The following RIPOR3 variants were observed in gnomAD, a reference collection of about 807,000 sequenced individuals.
RIPOR3 encodes the protein RIPOR family member 3, also known as family with sequence similarity 65 member C.
RIPOR3 carries 95 observed loss-of-function variants against 114.3 expected under a neutral mutation model. The ratio of observed to expected loss-of-function variants is 0.83; its 90% CI spans 0.70 to 0.99. The LOEUF (loss-of-function observed/expected upper bound fraction) is 0.99. Ranked by LOEUF, RIPOR3 falls within the 50% of genes least tolerant of loss-of-function variation. The pLI is 0.00. For synonymous variants in RIPOR3, 575 were observed against 543.8 expected, an observed-to-expected ratio of 1.06 and a Z score of -0.80; for missense variants, 1,252 against 1,266.9, an observed-to-expected ratio of 0.99 and a Z score of 0.18.
chr20:50,652,845 T>C (rs1435394995), intron 1 of RIPOR3, among the ~76,000 whole-genome samples: 1 of 152,136 alleles, frequency 6.6e-6, no homozygotes, highest in Non-Finnish European at 1.5e-5. Context: ...ACTGGTGACA[T>C]GTAAGAGGGC....
At chr20:50,667,491 AC>A (rs2123499713) in intron 1 of RIPOR3, among the ~76,000 whole-genome samples, 1 of 151,976 alleles carries the variant, frequency 6.6e-6, no homozygotes, top group Admixed American at 6.6e-5. Flanking sequence ...ACGGGGTTTC[AC>A]CATGTTGGTC....
In RIPOR3 at chr20:50,608,595, C is replaced by A. The variant is rs777345556; in HGVS notation, c.810+18G>T. 3 of 1,613,848 alleles carry A rather than the reference C, an allele frequency of 1.9e-6. No individual in the cohort carries two copies. In the Admixed American group the frequency reaches 5.0e-5, roughly 27 times the overall value. ...AACACCCAGGCACCCCAGCCCTGCC[C>A]CCGGGCCCCATCCCCACCTTGATGT... On this transcript the variant is annotated intron_variant, in intron 10 of 21. Transcript: ENST00000327979.
At chr20:50,653,155 T>C (rs541082999) in intron 1 of RIPOR3, 1 of 152,296 alleles carries the variant, frequency 6.6e-6, no homozygotes, top group South Asian at 2.1e-4. Flanking sequence ...TGATGCATGC[T>C]GTGAGACAGA....
intron 1 of RIPOR3, among the ~76,000 whole-genome samples, chr20:50,662,570 G>T (rs1490667738): frequency 6.6e-6 from 1 of 152,202 alleles, no homozygotes; most frequent in East Asian, 1.9e-4. Context: ...TCTCCATCTG[G>T]TGTGCCTGGA....
In RIPOR3 at chr20:50,642,013, T is replaced by C. The variant is rs369134620; in HGVS notation, c.4-11157A>G. ...CCATGGCAGTAGTACACCCACCCCCTTCTGCTTCCGCAGAACCTGGCCGGC... is the reference window on the plus strand; with the variant it reads ...CCATGGCAGTAGTACACCCACCCCCCTCTGCTTCCGCAGAACCTGGCCGGC... On this transcript the variant is annotated intron_variant, in intron 1 of 21. Transcript: ENST00000327979. Among the ~76,000 whole-genome samples, 66 of 152,284 alleles carry C rather than the reference T, an allele frequency of 4.3e-4. No individual in the cohort carries two copies. In the South Asian group the frequency reaches 6.6e-3, roughly 15 times the overall value.
At chr20:50,683,567 C>T (rs1483275173) in intron 1 of RIPOR3, among the ~76,000 whole-genome samples, 1 of 151,964 alleles carries the variant, frequency 6.6e-6, no homozygotes, top group Non-Finnish European at 1.5e-5. Flanking sequence ...ATTCTTGTGC[C>T]TCAGCCTCCC....
intron 1 of RIPOR3, among the ~76,000 whole-genome samples, chr20:50,671,430 A>G (rs1276264103): frequency 0.072 from 216 of 2,982 alleles, no homozygotes; most frequent in South Asian, 0.29. Flanking sequence ...GCGCGCGCGC[A>G]CACACACACA....
At chr20:50,633,843 G>A (rs1400431383) in intron 1 of RIPOR3, among the ~76,000 whole-genome samples, 2 of 152,118 alleles carry the variant, frequency 1.3e-5, no homozygotes, top group South Asian at 2.1e-4. Flanking sequence ...ACCTGACAGC[G>A]GATTCATCAC....
At chr20:50,644,803 G>T (rs1407026958) in intron 1 of RIPOR3, among the ~76,000 whole-genome samples, 2 of 146,808 alleles carry the variant, frequency 1.4e-5, no homozygotes, top group East Asian at 2.0e-4. Context: ...TTCCAGGTGT[G>T]AGCCACTGCA....
At chr20:50,654,315 T>C (rs1364718063) in intron 1 of RIPOR3, among the ~76,000 whole-genome samples, 2 of 151,440 alleles carry the variant, frequency 1.3e-5, no homozygotes, top group African/African-American at 4.9e-5. Context: ...TACAGGTGCC[T>C]GCCATCATGC....
chr20:50,646,218 C>G (rs1245465619), intron 1 of RIPOR3, among the ~76,000 whole-genome samples: 1 of 152,176 alleles, frequency 6.6e-6, no homozygotes, highest in African/African-American at 2.4e-5. Flanking sequence ...ACCTCAATGT[C>G]CTAGGCTCCA....
Position 50,593,128 on chromosome 20 carries a change from C to G in RIPOR3, c.2281G>C (p.Glu761Gln), listed in dbSNP as rs886114439. 1 of 1,613,968 alleles carries G rather than the reference C, an allele frequency of 6.2e-7. No homozygotes were observed. The highest frequency in any genetic ancestry group is 8.5e-7 in the Non-Finnish European group (1 of 1,180,018). The change falls in exon 18 of 22, where the codon GAA becomes CAA. Residue 761 changes from glutamate to glutamine, a missense_variant. Coordinates refer to ENST00000327979, the MANE Select transcript of RIPOR3 (RefSeq NM_001290268.2). ...AACTGGAACCAGGTAATGATCTGTT[C>G]TTCTGGGAGCCCAGCTCCGGGGAGC... ...GLLPGAGLPE[E>Q]QIITWFQFHS...
At chr20:50,654,483 T>C (rs1448153579) in intron 1 of RIPOR3, among the ~76,000 whole-genome samples, 1 of 124,328 alleles carries the variant, frequency 8.0e-6, no homozygotes, top group Non-Finnish European at 1.6e-5. Context: ...CAGGCTGGAG[T>C]GCAGTGGCGC....
At chr20:50,640,348 G>A (rs1285373486) in intron 1 of RIPOR3, among the ~76,000 whole-genome samples, 3 of 151,078 alleles carry the variant, frequency 2.0e-5, no homozygotes, top group Non-Finnish European at 4.4e-5. Flanking sequence ...GAGCAGAGCC[G>A]AGACCTGCCT....
intron 11 of RIPOR3, 22 bp from the exon 12 acceptor site, chr20:50,604,796 C>T (rs2123015208): frequency 1.2e-6 from 2 of 1,603,286 alleles, no homozygotes; most frequent in South Asian, 2.2e-5. Context: ...AACAGAAGGT[C>T]AGGATGCCAT....
At chr20:50,590,785 T>C (rs2083082900) in intron 19 of RIPOR3, among the ~76,000 whole-genome samples, 1 of 150,276 alleles carries the variant, frequency 6.7e-6, no homozygotes, top group African/African-American at 2.4e-5. Flanking sequence ...TTTCCTACTC[T>C]CTAAAGTCTG....
At chr20:50,619,835 C>G in intron 3 of RIPOR3, 151 bp downstream of exon 3, 1 of 1,061,550 alleles carries the variant, frequency 9.4e-7, no homozygotes, top group Non-Finnish European at 1.3e-6. Context: ...CGCGGCTGCA[C>G]CCTGACATAC....
chr20:50,630,978 G>A (rs1259022006), intron 1 of RIPOR3, 122 bp from the exon 2 acceptor site: 2 of 759,260 alleles, frequency 2.6e-6, no homozygotes, highest in Non-Finnish European at 4.4e-6. Context: ...TGTGGGGGCT[G>A]GTACTGTGCC....
At position 50,586,670 on chromosome 20, in the gene RIPOR3, G is replaced by A. The variant is rs2082931961; in HGVS notation, c.*562C>T. On this transcript the variant is annotated 3_prime_UTR_variant, in exon 22 of 22. Transcript: ENST00000327979. ...AGCAAGTCAGTCGGGCTGAGAGTGT[G>A]GTTGTAGAAACCCTGGCTTTGTGCC... 1 of 154,690 alleles carries A rather than the reference G, an allele frequency of 6.5e-6. No individual in the cohort carries two copies. The highest frequency in any genetic ancestry group is 2.4e-5 in the African/African-American group (1 of 41,480). 9.6% of individuals were successfully genotyped at this position (154,690 alleles called of 1,614,324 possible). A position where few individuals can be genotyped will look rare whatever the true frequency, so the allele number is the denominator to read the frequency against.
Sources: gnomAD v4.1 joint callset for allele counts (sites outside exome capture counted in the v4.1 genomes callset) on GRCh38, gnomAD v4.1.1 for gene constraint, MANE v1.5 for transcripts, NCBI Gene and HGNC (gene_info 2026-07-23, HGNC 2026-07-21) for gene names.